Variants in NAALADL2 observed in about 807,000 individuals in gnomAD.
NAALADL2 encodes inactive N-acetylated-alpha-linked acidic dipeptidase-like protein 2.
A neutral mutation model predicts 87.2 loss-of-function variants in NAALADL2; 76 were observed. The ratio of observed to expected loss-of-function variants is 0.87; its 90% CI spans 0.72 to 1.05. NAALADL2 has a LOEUF of 1.05. Among genes scored for constraint, NAALADL2 ranks in the 50% least tolerant of loss-of-function variants. The pLI is 0.00. For synonymous variants in NAALADL2, 354 were observed against 331.0 expected (o/e 1.07, Z -0.75); for missense variants, 1,089 against 945.8 (o/e 1.15, Z -1.99).
At position 174,602,245 on chromosome 3, in the gene NAALADL2, A is replaced by T. The variant is rs377602565; in HGVS notation, c.-115+51608A>T. ...ACATTTTAACAATATTGATTCTTCC[A>T]ATCCATGAACATGGAATATCTTCCG... On this transcript the variant is annotated intron_variant, in intron 2 of 3. Transcript: ENST00000434257. Among the ~76,000 whole-genome samples, 253 of 152,262 alleles carry T rather than the reference A, an allele frequency of 1.7e-3. 3 individuals carry two copies. The South Asian group carries it at 0.05, about 30-fold the overall frequency.
chr3:175,408,629 G>T (rs972510370), intron 5 of NAALADL2, among the ~76,000 whole-genome samples: 5 of 151,938 alleles, frequency 3.3e-5, no homozygotes, highest in Non-Finnish European at 7.4e-5. Context: ...TGAATACTGC[G>T]ATGATGTGTT....
intron 1 of NAALADL2, among the ~76,000 whole-genome samples, chr3:175,010,417 A>T (rs1416461947): frequency 6.6e-6 from 1 of 152,196 alleles, no homozygotes; most frequent in Non-Finnish European, 1.5e-5. Context: ...TTCATTTGGC[A>T]TCTCTAGTCT....
At chr3:175,595,847 A>G (rs111347967) in intron 10 of NAALADL2, among the ~76,000 whole-genome samples, 7 of 152,020 alleles carry the variant, frequency 4.6e-5, no homozygotes, top group African/African-American at 1.2e-4. Flanking sequence ...CACTATGCCT[A>G]TGAAACTACC....
intron 2 of NAALADL2, among the ~76,000 whole-genome samples, chr3:175,199,833 TATATATATATATATATA>T (rs1739571225): frequency 1.7e-4 from 2 of 12,042 alleles, no homozygotes; most frequent in South Asian, 2.9e-3. Flanking sequence ...TATATATATA[TATATATATATATATATA>T]TATATATATA....
Position 175,578,434 on chromosome 3 carries a change from A to AAAC in NAALADL2, c.1800+2262_1800+2264dup, listed in dbSNP as rs1046180341. ...GGTGACAGAGTGAGACACTATCTCA[A>AAAC]AACAACAACAACAACAAAAGAAGCC... On this transcript the variant is annotated intron_variant, in intron 10 of 13. Coordinates refer to ENST00000454872, the MANE Select transcript of NAALADL2 (RefSeq NM_207015.3). Among the ~76,000 whole-genome samples, 97 of 152,214 alleles carry AAAC rather than the reference A, an allele frequency of 6.4e-4. 2 individuals are homozygous for AAAC. Among genetic ancestry groups the AAAC allele is most frequent in the Admixed American group, 7.2e-4 (11 of 15,292 alleles).
chr3:174,748,917 A>T (rs1734547800), intron 3 of NAALADL2, among the ~76,000 whole-genome samples: 1 of 152,212 alleles, frequency 6.6e-6, no homozygotes, highest in South Asian at 2.1e-4. Flanking sequence ...TTATTAAAAA[A>T]TAGTCAAGTT....
At chr3:175,303,109 T>A (rs1757291128) in intron 4 of NAALADL2, among the ~76,000 whole-genome samples, 1 of 152,150 alleles carries the variant, frequency 6.6e-6, no homozygotes, top group Non-Finnish European at 1.5e-5. Flanking sequence ...ATGGCATGAC[T>A]GAAAAGACAT....
chr3:175,648,142 G>A lies in NAALADL2; in HGVS notation c.1896+20756G>A, dbSNP rs73171442. Among the ~76,000 whole-genome samples the A allele has an allele frequency of 3.2e-3, 482 of 152,222 alleles. 1 individual carries two copies. Among genetic ancestry groups the A allele is most frequent in the Non-Finnish European group, 5.0e-3 (337 of 67,990 alleles). On this transcript the variant is annotated intron_variant, in intron 11 of 13. Coordinates refer to ENST00000454872, the MANE Select transcript of NAALADL2 (RefSeq NM_207015.3). ...AATAGTACAATTGGACCCTTGGGGT[G>A]GGGGAGCAAATAAACTACAAACACT...
chr3:175,327,032 A>G (rs568547864), intron 5 of NAALADL2, among the ~76,000 whole-genome samples: 2 of 152,314 alleles, frequency 1.3e-5, no homozygotes, highest in Non-Finnish European at 2.9e-5. Context: ...GTAATTTAGA[A>G]CAACCCAAAA....
chr3:174,468,177 A>T (rs1257025209), intron 1 of NAALADL2, among the ~76,000 whole-genome samples: 1 of 152,076 alleles, frequency 6.6e-6, no homozygotes, highest in African/African-American at 2.4e-5. Flanking sequence ...AGCCCAAAGA[A>T]AATCTGTCTA....
chr3:174,554,591 T>C (rs1403818453), intron 2 of NAALADL2, among the ~76,000 whole-genome samples: 1 of 152,184 alleles, frequency 6.6e-6, no homozygotes, highest in Non-Finnish European at 1.5e-5. Context: ...GCATGTCATT[T>C]ATTATTCATT....
chr3:175,341,893 G>A (rs981361267), intron 5 of NAALADL2, among the ~76,000 whole-genome samples: 1 of 152,026 alleles, frequency 6.6e-6, no homozygotes. Flanking sequence ...CATGTGGATA[G>A]CAAGTTGTCT....
At chr3:175,465,168 C>T (rs1317301067) in intron 7 of NAALADL2, among the ~76,000 whole-genome samples, 45 of 150,300 alleles carry the variant, frequency 3.0e-4, no homozygotes, top group Admixed American at 2.7e-4. Context: ...AGGAGAATGG[C>T]GTGAACCCGG....
At chr3:174,831,238 G>C (rs1168192165) in intron 3 of NAALADL2, among the ~76,000 whole-genome samples, 1 of 151,226 alleles carries the variant, frequency 6.6e-6, no homozygotes, top group East Asian at 1.9e-4. Context: ...GATATTGGCT[G>C]TGGGTTTGTC....
chr3:174,715,623 G>C (rs1731111360), intron 2 of NAALADL2, among the ~76,000 whole-genome samples: 1 of 152,186 alleles, frequency 6.6e-6, no homozygotes, highest in South Asian at 2.1e-4. Context: ...CAAAAGCCCA[G>C]TTTCAAGAAA....
chr3:175,693,315 A>G lies in NAALADL2; in HGVS notation c.1897-43991A>G, dbSNP rs192695744. ...CTATTACAGTGGCCTAAATTCCCCT[A>G]CACTAAATTGTGTTATTAATTTATT... is the stretch of plus-strand genomic sequence containing the variant. On this transcript the variant is annotated intron_variant, in intron 11 of 13. Coordinates refer to ENST00000454872, the MANE Select transcript of NAALADL2 (RefSeq NM_207015.3). 3.3e-3 allele frequency among the ~76,000 whole-genome samples: 500 copies of G among 152,242 alleles called. 3 individuals carry two copies. The highest frequency in any genetic ancestry group is 5.6e-3 in the Non-Finnish European group (380 of 68,010).
intron 3 of NAALADL2, among the ~76,000 whole-genome samples, chr3:174,842,210 C>T (rs1724104791): frequency 1.3e-5 from 2 of 152,030 alleles, no homozygotes; most frequent in African/African-American, 4.8e-5. Flanking sequence ...CACCACCACG[C>T]CTGGCTAATT....
At chr3:175,560,351 C>G (rs909077832) in intron 9 of NAALADL2, among the ~76,000 whole-genome samples, 2 of 151,634 alleles carry the variant, frequency 1.3e-5, no homozygotes, top group Non-Finnish European at 2.9e-5. Context: ...GCTAAAGGTT[C>G]GACAATTTTT....
intron 1 of NAALADL2, among the ~76,000 whole-genome samples, chr3:174,512,173 T>C (rs908349978): frequency 1.3e-5 from 2 of 152,260 alleles, no homozygotes; most frequent in Non-Finnish European, 2.9e-5. Context: ...TTTTTCGAGT[T>C]TTTGTCTGAA....
Sources: allele counts gnomAD v4.1 joint callset (sites outside exome capture counted in the v4.1 genomes callset), GRCh38; gene constraint gnomAD v4.1.1; transcripts MANE v1.5; gene names NCBI Gene and HGNC (gene_info 2026-07-23, HGNC 2026-07-21).